Variants in NRG1 observed in about 807,000 individuals in gnomAD.
The protein encoded by NRG1 is neuregulin 1.
Under a neutral mutation model 63.8 loss-of-function variants are expected in NRG1, and 18 were observed. The observed-to-expected ratio is 0.28, with a 90% CI of 0.19 to 0.42. The LOEUF is 0.42. Among genes scored for constraint, NRG1 ranks in the 10% least tolerant of loss-of-function variants. The pLI is 1.00. For missense variants in NRG1, 762 were observed against 814.7 expected, an observed-to-expected ratio of 0.94 and a Z score of 0.79; for synonymous variants, 302 against 301.3, an observed-to-expected ratio of 1.00 and a Z score of -0.02.
At chr8:31,714,632 T>TA (rs1326076851) in intron 1 of NRG1, among the ~76,000 whole-genome samples, 12 of 152,264 alleles carry the variant, frequency 7.9e-5, no homozygotes, top group African/African-American at 2.9e-4. Context: ...AGTTAGGAAA[T>TA]AAAAAGCACT....
chr8:32,236,285 A>G (rs564711054), intron 1 of NRG1, among the ~76,000 whole-genome samples: 21 of 152,086 alleles, frequency 1.4e-4, no homozygotes, highest in East Asian at 5.8e-4. Flanking sequence ...CCTGGGGGGG[A>G]AAATCAAATT....
At chr8:32,702,922 C>G (rs191998864) in intron 5 of NRG1, among the ~76,000 whole-genome samples, 2 of 152,246 alleles carry the variant, frequency 1.3e-5, no homozygotes, top group Admixed American at 6.5e-5. Context: ...TCTTCCTTCT[C>G]TCTAATGGCT....
intron 1 of NRG1, among the ~76,000 whole-genome samples, chr8:32,056,246 G>C (rs1162089929): frequency 6.6e-6 from 1 of 152,100 alleles, no homozygotes; most frequent in Admixed American, 6.6e-5. Flanking sequence ...TAAAACAATG[G>C]GAAGGAGTTG....
At chr8:31,892,639 G>C (rs1831243706) in intron 1 of NRG1, among the ~76,000 whole-genome samples, 1 of 151,878 alleles carries the variant, frequency 6.6e-6, no homozygotes, top group Non-Finnish European at 1.5e-5. Flanking sequence ...TTTATCTCTG[G>C]GGGTTTGATA....
In NRG1 at chr8:32,285,414, T is replaced by C. The variant is rs117839764; in HGVS notation, c.38-310414T>C. Among the ~76,000 whole-genome samples the C allele has an allele frequency of 5.8e-3, 888 of 152,246 alleles. 5 individuals are homozygous for C. The highest frequency in any genetic ancestry group is 8.9e-3 in the Non-Finnish European group (603 of 68,002). ...AAAAATCTCAGACAAGTCAAAAGCA[T>C]ACAATTACAGGACCAGAAGACTCCT... On this transcript the variant is annotated intron_variant, in intron 1 of 10. Transcript: ENST00000519301.
chr8:31,664,863 A>G (rs185466931), intron 1 of NRG1, among the ~76,000 whole-genome samples: 180 of 152,370 alleles, frequency 1.2e-3, no homozygotes, highest in Non-Finnish European at 1.6e-3. Context: ...TGATATGGAA[A>G]GCATGATCAG....
chr8:32,644,075 TA>T (rs201900567), intron 5 of NRG1, among the ~76,000 whole-genome samples: 7 of 150,212 alleles, frequency 4.7e-5, no homozygotes, highest in South Asian at 4.2e-4. Flanking sequence ...GCCAATGAAA[TA>T]AAAAAAAAAT....
At chr8:32,326,307 C>CTTTTT (rs745434807) in intron 1 of NRG1, among the ~76,000 whole-genome samples, 9 of 101,404 alleles carry the variant, frequency 8.9e-5, no homozygotes, top group Non-Finnish European at 1.2e-4. Flanking sequence ...TGTGCCCAGG[C>CTTTTT]TTTTTTTTTT....
intron 11 of NRG1, among the ~76,000 whole-genome samples, chr8:32,762,906 A>G (rs1306436169): frequency 6.6e-6 from 1 of 152,206 alleles, no homozygotes; most frequent in Non-Finnish European, 1.5e-5. Context: ...ATCAGACATA[A>G]CATGATAGAA....
intron 1 of NRG1, among the ~76,000 whole-genome samples, chr8:32,511,056 T>C (rs1206210404): frequency 6.7e-6 from 1 of 150,190 alleles, no homozygotes; most frequent in Non-Finnish European, 1.5e-5. Flanking sequence ...CAAAGGCTAA[T>C]TTTCTCACCA....
intron 1 of NRG1, among the ~76,000 whole-genome samples, chr8:32,308,787 G>C (rs1036834178): frequency 6.6e-6 from 1 of 152,196 alleles, no homozygotes; most frequent in African/African-American, 2.4e-5. Flanking sequence ...GGGAAAATTG[G>C]TGCTACAATG....
chr8:32,510,125 A>ATCATCATC (rs1554566713), intron 1 of NRG1, among the ~76,000 whole-genome samples: 359 of 148,056 alleles, frequency 2.4e-3, no homozygotes, highest in Non-Finnish European at 4.3e-3. Context: ...TAATAATAAT[A>ATCATCATC]ATCATAAAAG....
intron 1 of NRG1, among the ~76,000 whole-genome samples, chr8:31,902,356 A>G (rs1205971026): frequency 6.6e-6 from 1 of 152,226 alleles, no homozygotes; most frequent in African/African-American, 2.4e-5. Context: ...ATAAGTTAAT[A>G]AGGTTGGATT....
intron 5 of NRG1, among the ~76,000 whole-genome samples, chr8:32,666,952 T>C (rs1462959379): frequency 1.3e-5 from 2 of 152,214 alleles, no homozygotes; most frequent in Admixed American, 1.3e-4. Context: ...ATGTCCTTCA[T>C]TTTTAAGACT....
chr8:31,811,189 T>A (rs1046673188), intron 1 of NRG1, among the ~76,000 whole-genome samples: 8 of 152,178 alleles, frequency 5.3e-5, no homozygotes, highest in African/African-American at 1.2e-4. Flanking sequence ...CTTTCATAAT[T>A]ATCCTGGTTA....
At chr8:31,807,981 C>T (rs1326796735) in intron 1 of NRG1, among the ~76,000 whole-genome samples, 1 of 146,136 alleles carries the variant, frequency 6.8e-6, no homozygotes, top group East Asian at 2.0e-4. Context: ...GTGTGTATCA[C>T]ATTTTCTTTA....
intron 1 of NRG1, among the ~76,000 whole-genome samples, chr8:32,373,155 C>T (rs1809152495): frequency 6.6e-6 from 1 of 151,966 alleles, no homozygotes; most frequent in Non-Finnish European, 1.5e-5. Flanking sequence ...GGGGAAATGA[C>T]AATGAAAAAC....
chr8:31,875,980 G>A (rs575165763), intron 1 of NRG1, among the ~76,000 whole-genome samples: 42 of 152,196 alleles, frequency 2.8e-4, no homozygotes, highest in Middle Eastern at 3.4e-3. Context: ...GCAGGGGGCA[G>A]ATTCAGATCT....
chr8:32,422,410 A>G (rs1034911336), intron 1 of NRG1, among the ~76,000 whole-genome samples: 1 of 152,194 alleles, frequency 6.6e-6, no homozygotes, highest in African/African-American at 2.4e-5. Flanking sequence ...AAAATATTTT[A>G]TGGATGTGTG....
Sources: allele counts gnomAD v4.1 joint callset (sites outside exome capture counted in the v4.1 genomes callset), GRCh38; gene constraint gnomAD v4.1.1; transcripts MANE v1.5; gene names NCBI Gene and HGNC (gene_info 2026-07-23, HGNC 2026-07-21).